CEP68: variants seen among roughly 807,000 people sequenced by gnomAD.
CEP68 encodes the protein centrosomal protein 68.
CEP68 carries 26 observed loss-of-function variants against 55.3 expected under a neutral mutation model. The ratio of observed to expected loss-of-function variants is 0.47; its 90% CI spans 0.34 to 0.65. CEP68 has a LOEUF of 0.65. Ranked by LOEUF, CEP68 falls within the 30% of genes least tolerant of loss-of-function variation. The pLI is 0.01. For missense variants in CEP68, 957 were observed against 946.7 expected (o/e 1.01, Z -0.14); for synonymous variants, 402 against 383.2 (o/e 1.05, Z -0.57).
At chr2:65,078,050 C>A in intron 5 of CEP68, 86 bp downstream of exon 5, 1 of 976,808 alleles carries the variant, frequency 1.0e-6, no homozygotes, top group Non-Finnish European at 1.6e-6. Context: ...TGGTAAGGAG[C>A]TGGTACCACA....
At chr2:65,075,056 A>G (rs1238114251) in intron 4 of CEP68, 1 of 148,200 alleles carries the variant, frequency 6.7e-6, no homozygotes, top group Admixed American at 6.6e-5. Context: ...CTGCACCACT[A>G]TTTAAAGATC....
Position 65,072,807 on chromosome 2 carries a change from GA to G in CEP68, c.1713del (p.Gly572AlafsTer16). On this transcript the variant is annotated frameshift_variant, in exon 3 of 7. Coordinates refer to ENST00000377990, the MANE Select transcript of CEP68 (RefSeq NM_015147.3). LOFTEE classifies it high-confidence loss of function. ...CGTCCGTGCCCACGACTCCGCAGGG[GA>G]AGGCAGTCTGGGGAGCAGCCAGGCC... ...SFVRAHDSAG[E>X]GSLGSSQALG... is the part of the protein sequence containing the mutation. The G allele has an allele frequency of 6.2e-7, 1 of 1,614,186 alleles. No individual in the cohort carries two copies. The highest frequency in any genetic ancestry group is 8.5e-7 in the Non-Finnish European group (1 of 1,180,034).
In CEP68 at chr2:65,082,697, G is replaced by A. The variant is rs1668890409; in HGVS notation, c.2266G>A (p.Gly756Arg). ...PMAAMEHPCE[G>R]V is the part of the protein sequence containing the mutation. ...GGCGGCAATGGAGCACCCATGTGAA[G>A]GGGTTTAACCTGGTAAGTGGAGGAA... Residue 756 changes from glycine (G) to arginine (R), a missense_variant, in exon 6 of 7, where the codon GGG becomes AGG. Transcript: ENST00000377990. The A allele has an allele frequency of 6.3e-7, 1 of 1,590,754 alleles. No individual in the cohort carries two copies.
At chr2:65,082,258 C>G (rs1319869426) in intron 5 of CEP68, among the ~76,000 whole-genome samples, 2 of 152,184 alleles carry the variant, frequency 1.3e-5, no homozygotes, top group Admixed American at 6.5e-5. Flanking sequence ...CATCAGAAAA[C>G]CATAATATCT....
intron 5 of CEP68, among the ~76,000 whole-genome samples, chr2:65,079,615 C>A (rs921189098): frequency 6.6e-6 from 1 of 152,242 alleles, no homozygotes; most frequent in Non-Finnish European, 1.5e-5. Flanking sequence ...GTGCCAAGCT[C>A]CTTTGCTGCA....
chr2:65,065,248 C>T (rs759457), intron 1 of CEP68, among the ~76,000 whole-genome samples: 152,404 of 152,404 alleles, frequency 1, 76,202 homozygotes, highest in Non-Finnish European at 1. Flanking sequence ...TTCTGCAATT[C>T]ATGCTGAGGA....
At chr2:65,067,161 TGA>T (rs1676230020) in intron 1 of CEP68, among the ~76,000 whole-genome samples, 1 of 151,502 alleles carries the variant, frequency 6.6e-6, no homozygotes, top group African/African-American at 2.4e-5. Context: ...GTGGATTGCC[TGA>T]GGTCAGGAGT....
Position 65,071,566 on chromosome 2 carries a change from T to C in CEP68, c.470T>C (p.Leu157Pro). ...GCTGATACCGAAGATGATCCATCCCTAGCAGATTTGCCCCAGGCACTGGAC... is the reference window on the plus strand; with the variant it reads ...GCTGATACCGAAGATGATCCATCCCCAGCAGATTTGCCCCAGGCACTGGAC... ...HDADTEDDPS[L>P]ADLPQALDLS... The change falls in exon 3 of 7, where the codon CTA (leucine) becomes CCA (proline). Residue 157 changes from leucine (L) to proline (P), a missense_variant. By Grantham distance (98) the Leu-to-Pro change is moderately conservative. Coordinates refer to ENST00000377990, the MANE Select transcript of CEP68 (RefSeq NM_015147.3). The C allele has an allele frequency of 6.2e-7, 1 of 1,614,198 alleles. No homozygotes were observed. The highest frequency in any genetic ancestry group is 8.5e-7 in the Non-Finnish European group (1 of 1,180,026).
rs149544350 is a variant in CEP68 at position 65,071,582 on chromosome 2, G to A, written c.486G>A (p.Gln162=). Residue 162 remains glutamine (Q), a synonymous_variant, in exon 3 of 7, where the codon CAG becomes CAA. Transcript: ENST00000377990. The part of the protein sequence containing the change: ...EDDPSLADLP[Q]ALDLSQQPHS... ...ATCCATCCCTAGCAGATTTGCCCCA[G>A]GCACTGGACCTCAGCCAGCAGCCTC... 4.2e-5 allele frequency: 67 copies of A among 1,614,172 alleles called. No individual in the cohort carries two copies. In the African/African-American group the frequency reaches 6.9e-4, roughly 17 times the overall value.
intron 1 of CEP68, among the ~76,000 whole-genome samples, chr2:65,057,341 T>C (rs1443833511): frequency 6.6e-6 from 1 of 152,224 alleles, no homozygotes. Context: ...ACAAAGGTTG[T>C]TGGGTCAGTT....
At chr2:65,077,603 G>A (rs146980020) in intron 4 of CEP68, among the ~76,000 whole-genome samples, 1 of 152,326 alleles carries the variant, frequency 6.6e-6, no homozygotes, top group African/African-American at 2.4e-5. Context: ...CTAACTCCAA[G>A]CTGTTTGTGA....
At chr2:65,071,191 C>A (rs564928046) in intron 2 of CEP68, 15 of 500,398 alleles carry the variant, frequency 3.0e-5, no homozygotes, top group South Asian at 4.9e-5. Context: ...TCTGCTTGCT[C>A]ACACCCTGGA....
intron 5 of CEP68, among the ~76,000 whole-genome samples, chr2:65,078,650 TTCTGCC>T (rs1219178915): frequency 6.6e-6 from 1 of 152,228 alleles, no homozygotes; most frequent in Non-Finnish European, 1.5e-5. Flanking sequence ...CAAGTGATTC[TTCTGCC>T]TCAGCCTCCT....
At chr2:65,080,212 C>T (rs1676944137) in intron 5 of CEP68, 1 of 981,948 alleles carries the variant, frequency 1.0e-6, no homozygotes, top group South Asian at 4.7e-5. Context: ...CTTTTCTGTG[C>T]TTAGTCCCAC....
In CEP68 at chr2:65,072,711, C is replaced by T; in HGVS notation, c.1615C>T (p.Leu539Phe). Residue 539 changes from leucine (L) to phenylalanine (F), a missense_variant, in exon 3 of 7, where the codon CTT becomes TTT. By Grantham distance (22) the Leu-to-Phe change is conservative. Coordinates refer to ENST00000377990, the MANE Select transcript of CEP68 (RefSeq NM_015147.3). Reference protein sequence around the residue: ...SFPSSSSQSQLPPGAALQGSG... With the variant: ...SFPSSSSQSQFPPGAALQGSG... The stretch of plus-strand genomic sequence containing the variant: ...CCCTTCAAGCTCCAGCCAAAGCCAG[C>T]TTCCCCCTGGAGCTGCCCTCCAAGG... 6.2e-7 allele frequency: 1 copy of T among 1,614,158 alleles called. No homozygotes were observed. Among genetic ancestry groups the T allele is most frequent in the Non-Finnish European group, 8.5e-7 (1 of 1,180,026 alleles).
At chr2:65,071,162 A>G (rs1222084434) in intron 2 of CEP68, 4 of 432,798 alleles carry the variant, frequency 9.2e-6, no homozygotes, top group Non-Finnish European at 1.3e-5. Flanking sequence ...CAGCTTCAGC[A>G]TGACAGAGCT....
At position 65,077,942 on chromosome 2, in the gene CEP68, G is replaced by C; in HGVS notation, c.2082G>C (p.Gln694His). The C allele has an allele frequency of 6.2e-7, 1 of 1,613,792 alleles. No individual in the cohort carries two copies. The highest frequency in any genetic ancestry group is 8.5e-7 in the Non-Finnish European group (1 of 1,179,744). ...TACAGAAGGGGGAGATTCTTCTTCAGTGCCTGTTGGAGAACACCCCAGGTG... is the reference window on the plus strand; with the variant it reads ...TACAGAAGGGGGAGATTCTTCTTCACTGCCTGTTGGAGAACACCCCAGGTG... ...SVLQKGEILL[Q>H]CLLENTPVLE... The change falls in exon 5 of 7, where the codon CAG becomes CAC. Residue 694 changes from glutamine to histidine, a missense_variant. By Grantham distance (24) the Gln-to-His change is conservative. Transcript: ENST00000377990.
chr2:65,074,426 G>A, intron 4 of CEP68, 22 bp downstream of exon 4: 1 of 1,613,944 alleles, frequency 6.2e-7, no homozygotes, highest in South Asian at 1.1e-5. Context: ...TCCTGGCTCT[G>A]GCTTGTTCCC....
intron 1 of CEP68, among the ~76,000 whole-genome samples, chr2:65,068,595 A>T (rs1676308725): frequency 6.6e-6 from 1 of 152,172 alleles, no homozygotes; most frequent in African/African-American, 2.4e-5. Flanking sequence ...CCTGTTCCAC[A>T]GGCTGGATGT....
Sources: gnomAD v4.1 joint callset for allele counts (sites outside exome capture counted in the v4.1 genomes callset) on GRCh38, gnomAD v4.1.1 for gene constraint, MANE v1.5 for transcripts, NCBI Gene and HGNC (gene_info 2026-07-23, HGNC 2026-07-21) for gene names.